The following LRSAM1 variants were observed in gnomAD, a reference collection of about 807,000 sequenced individuals.
The protein encoded by LRSAM1 is E3 ubiquitin-protein ligase LRSAM1.
Under a neutral mutation model 118.1 loss-of-function variants are expected in LRSAM1, and 96 were observed. That is an observed-to-expected ratio of 0.81 (90% CI 0.69 to 0.96). The LOEUF (loss-of-function observed/expected upper bound fraction) is 0.96. Ranked by LOEUF, LRSAM1 falls within the 40% of genes least tolerant of loss-of-function variation. LRSAM1 has a pLI of 0.00. For synonymous variants in LRSAM1, 322 were observed against 364.2 expected (o/e 0.88, Z 1.32); for missense variants, 804 against 915.5 (o/e 0.88, Z 1.57).
In LRSAM1 at chr9:127,454,396, C is replaced by T. The variant is rs2131988069; in HGVS notation, c.-32-100C>T. Reference sequence around the variant, plus strand: ...CCCTGCCTCCATGGAACTCATGGTCCAGCAGACCAGCTGCATGCTCTGTGT... The same window carrying T: ...CCCTGCCTCCATGGAACTCATGGTCTAGCAGACCAGCTGCATGCTCTGTGT... On this transcript the variant is annotated intron_variant, in intron 2 of 25. Coordinates refer to ENST00000300417, the MANE Select transcript of LRSAM1 (RefSeq NM_001005373.4). 3 of 889,854 alleles carry T rather than the reference C, an allele frequency of 3.4e-6. No individual in the cohort carries two copies. The East Asian group carries it at 7.8e-5, about 23-fold the overall frequency. The allele number at this position is 889,854 out of a possible 1,614,324, so 55.1% of individuals were successfully genotyped here. A position where few individuals can be genotyped will look rare whatever the true frequency, so the allele number is the denominator to read the frequency against.
chr9:127,469,046 A>T (rs913980819), intron 10 of LRSAM1, among the ~76,000 whole-genome samples: 7 of 152,224 alleles, frequency 4.6e-5, no homozygotes, highest in Non-Finnish European at 8.8e-5. Context: ...AAAGAAAAGG[A>T]AAGCCATAAA....
At chr9:127,458,933 T>A in intron 6 of LRSAM1, 70 bp from the exon 7 acceptor site, 1 of 1,539,286 alleles carries the variant, frequency 6.5e-7, no homozygotes, top group Non-Finnish European at 9.0e-7. Context: ...CAGCCCCTCC[T>A]CAGCGCTCTG....
intron 8 of LRSAM1, among the ~76,000 whole-genome samples, chr9:127,461,640 A>T (rs990108416): frequency 6.6e-6 from 1 of 152,236 alleles, no homozygotes; most frequent in Non-Finnish European, 1.5e-5. Context: ...TGAGGAGTCC[A>T]CTGGGCAGGC....
At chr9:127,477,527 ATGCTTGAGC>A (rs1835385255) in intron 11 of LRSAM1, among the ~76,000 whole-genome samples, 1 of 151,106 alleles carries the variant, frequency 6.6e-6, no homozygotes. Flanking sequence ...AGTCGGGTGG[ATGCTTGAGC>A]TCAGGAGTTT....
At chr9:127,454,653 T>A (rs902530272) in intron 3 of LRSAM1, 54 bp downstream of exon 3, 1 of 1,550,118 alleles carries the variant, frequency 6.5e-7, no homozygotes, top group African/African-American at 1.4e-5. Flanking sequence ...TCGGTCCCCA[T>A]GGAGTAGGCC....
chr9:127,488,893 T>A (rs1206807494), intron 18 of LRSAM1, among the ~76,000 whole-genome samples: 1 of 152,092 alleles, frequency 6.6e-6, no homozygotes, highest in Non-Finnish European at 1.5e-5. Context: ...CCTGTTCAGC[T>A]CTTTCCTGCA....
chr9:127,475,157 A>G (rs1835308054), intron 11 of LRSAM1, among the ~76,000 whole-genome samples: 1 of 152,106 alleles, frequency 6.6e-6, no homozygotes. Context: ...AATATTTGCA[A>G]CACAGTCACT....
intron 6 of LRSAM1, among the ~76,000 whole-genome samples, chr9:127,458,447 G>T (rs1252999139): frequency 6.6e-6 from 1 of 152,026 alleles, no homozygotes. Flanking sequence ...GAGCATGTTG[G>T]CTTGTGCTTG....
chr9:127,473,836 T>G lies in LRSAM1; in HGVS notation c.655T>G (p.Leu219Val). The G allele has an allele frequency of 6.2e-7, 1 of 1,614,222 alleles. No homozygotes were observed. The highest frequency in any genetic ancestry group is 8.5e-7 in the Non-Finnish European group (1 of 1,180,040). The change falls in exon 11 of 26, where the codon TTG becomes GTG. Residue 219 changes from leucine (L) to valine (V), a missense_variant. Physicochemically the swap from Leu to Val is conservative, Grantham distance 32 (BLOSUM62 1). Transcript: ENST00000300417. ...GLEYYPPSQYLLPILEQDGIE... is the reference protein window; with the variant it reads ...GLEYYPPSQYVLPILEQDGIE... ...GGAATACTACCCCCCTTCTCAGTAC[T>G]TGCTGCCAATTCTGGAGCAAGATGG...
chr9:127,476,118 A>G (rs1008462134), intron 11 of LRSAM1, among the ~76,000 whole-genome samples: 1 of 152,200 alleles, frequency 6.6e-6, no homozygotes, highest in Admixed American at 6.5e-5. Context: ...AAATGCTTGC[A>G]TGAGGAGACA....
chr9:127,461,310 C>T (rs149250934), intron 8 of LRSAM1, 53 bp downstream of exon 8: 24 of 1,545,262 alleles, frequency 1.6e-5, no homozygotes, highest in Admixed American at 8.4e-5. Flanking sequence ...CTGGGCCATC[C>T]TGGCCGGGAT....
chr9:127,454,864 G>T, intron 3 of LRSAM1, 134 bp from the exon 4 acceptor site: 1 of 954,958 alleles, frequency 1.0e-6, no homozygotes, highest in South Asian at 1.3e-5. Context: ...TGGTTCACCT[G>T]CCAAATGGAC....
chr9:127,485,381 C>A (rs1835691117), intron 16 of LRSAM1, among the ~76,000 whole-genome samples: 1 of 151,892 alleles, frequency 6.6e-6, no homozygotes, highest in Admixed American at 6.6e-5. Flanking sequence ...CACAGTGAAA[C>A]CCTGTCTCTA....
chr9:127,467,753 A>G lies in LRSAM1; in HGVS notation c.542A>G (p.Asp181Gly). The change falls in exon 10 of 26, where the codon GAC becomes GGC. Residue 181 changes from aspartate (D) to glycine (G), a missense_variant. By Grantham distance (94) the Asp-to-Gly change is moderately conservative. Transcript: ENST00000300417. Reference sequence around the variant, plus strand: ...TTGTGTCTGCAGATGCTGAGCCTTGACGCCTCGGCCATGGTCTACCCGCCG... The same window carrying G: ...TTGTGTCTGCAGATGCTGAGCCTTGGCGCCTCGGCCATGGTCTACCCGCCG... ...HVRTLEMLSL[D>G]ASAMVYPPRE... is the part of the protein sequence containing the mutation. 6.2e-7 allele frequency: 1 copy of G among 1,610,244 alleles called. No individual in the cohort carries two copies. The highest frequency in any genetic ancestry group is 8.5e-7 in the Non-Finnish European group (1 of 1,178,758).
In LRSAM1 at chr9:127,496,067, G is replaced by T; in HGVS notation, c.1802G>T (p.Ser601Ile). 1 of 1,611,370 alleles carries T rather than the reference G, an allele frequency of 6.2e-7. No homozygotes were observed. Among genetic ancestry groups the T allele is most frequent in the Non-Finnish European group, 8.5e-7 (1 of 1,180,012 alleles). Residue 601 changes from serine (S) to isoleucine (I), a missense_variant, in exon 23 of 26, where the codon AGC becomes ATC. Ser to Ile is a moderately radical substitution (Grantham distance 142, BLOSUM62 -2). Coordinates refer to ENST00000300417, the MANE Select transcript of LRSAM1 (RefSeq NM_001005373.4). Reference sequence around the variant, plus strand: ...CACCGCCTCTCACTGGACCTGCTGAGCCAAATGAGCCCAGGGGACCTGGCC... The same window carrying T: ...CACCGCCTCTCACTGGACCTGCTGATCCAAATGAGCCCAGGGGACCTGGCC... ...AHHRLSLDLL[S>I]QMSPGDLAKV... is the part of the protein sequence containing the mutation.
In LRSAM1 at chr9:127,458,888, C is replaced by T; in HGVS notation, c.253-115C>T. On this transcript the variant is annotated intron_variant, in intron 6 of 25. Transcript: ENST00000300417. ...CACTGAGTGGGAAAGGAGTGGCAGG[C>T]ACTCTGTTTCTGCACTGGGGGTGTG... The T allele has an allele frequency of 3.4e-6, 3 of 888,972 alleles. No homozygotes were observed. The South Asian group carries it at 4.0e-5, about 12-fold the overall frequency. The allele number at this position is 888,972 out of a possible 1,614,324, so 55.1% of individuals were successfully genotyped here.
chr9:127,479,580 C>T, intron 13 of LRSAM1, 75 bp downstream of exon 13: 1 of 1,595,094 alleles, frequency 6.3e-7, no homozygotes. Flanking sequence ...GGCCAAGGTC[C>T]CTCGGATGTG....
rs564042292 is a variant in LRSAM1, at chr9:127,482,904, T to A, written c.1089-46T>A. Reference sequence around the variant, plus strand: ...GGTGTTCATCTGCTGGGATTCCCTGTTGGAAATGTTAAATTTGCTGAATGA... The same window carrying A: ...GGTGTTCATCTGCTGGGATTCCCTGATGGAAATGTTAAATTTGCTGAATGA... On this transcript the variant is annotated intron_variant, in intron 15 of 25. Transcript: ENST00000300417. The A allele has an allele frequency of 1.2e-5, 18 of 1,530,914 alleles. No individual in the cohort carries two copies. In the South Asian group the frequency reaches 2.2e-4, roughly 18 times the overall value. 94.8% of individuals were successfully genotyped at this position (1,530,914 alleles called of 1,614,324 possible). A position where few individuals can be genotyped will look rare whatever the true frequency, so the allele number is the denominator to read the frequency against.
chr9:127,496,309 A>C (rs1435342408), intron 23 of LRSAM1, among the ~76,000 whole-genome samples: 1 of 152,140 alleles, frequency 6.6e-6, no homozygotes, highest in Non-Finnish European at 1.5e-5. Flanking sequence ...AATCCTGGGG[A>C]GGTGGGTCCT....
Sources: gnomAD v4.1 joint callset for allele counts (sites outside exome capture counted in the v4.1 genomes callset) on GRCh38, gnomAD v4.1.1 for gene constraint, MANE v1.5 for transcripts, NCBI Gene and HGNC (gene_info 2026-07-23, HGNC 2026-07-21) for gene names.